Variants in LAPTM4B observed in about 807,000 individuals in gnomAD.
The protein encoded by LAPTM4B is lysosomal protein transmembrane 4 beta, also known as lysosomal-associated transmembrane protein 4B.
In LAPTM4B, 26 loss-of-function variants were observed where a neutral mutation model predicts 28.5. That is an observed-to-expected ratio of 0.91 (90% CI 0.67 to 1.27). The LOEUF (loss-of-function observed/expected upper bound fraction) is 1.27, where lower values mean the gene tolerates loss of function less well. LAPTM4B is among the 50% of genes most tolerant of loss of function. The pLI is 0.00. For synonymous variants in LAPTM4B, 109 were observed against 106.4 expected (o/e 1.02, Z -0.15); for missense variants, 288 against 285.8 (o/e 1.01, Z -0.06).
intron 6 of LAPTM4B, among the ~76,000 whole-genome samples, chr8:97,840,229 A>C (rs909336447): frequency 1.3e-5 from 2 of 152,302 alleles, no homozygotes; most frequent in Middle Eastern, 3.4e-3. Flanking sequence ...GTGTAGAACC[A>C]TTTTAACTTT....
intron 3 of LAPTM4B, among the ~76,000 whole-genome samples, chr8:97,815,813 C>T: frequency 6.6e-6 from 1 of 152,076 alleles, no homozygotes; most frequent in Non-Finnish European, 1.5e-5. Context: ...AGTGATCCAC[C>T]CACCTCAGCC....
chr8:97,822,942 A>C (rs1201679359), intron 5 of LAPTM4B, among the ~76,000 whole-genome samples: 6 of 151,456 alleles, frequency 4.0e-5, no homozygotes, highest in Non-Finnish European at 8.8e-5. Flanking sequence ...CCCGGGTTCA[A>C]GCAATTGTCC....
rs1259828816 is a variant in LAPTM4B, at chr8:97,852,914, G to T, written c.*1440G>T. 9.0e-6 allele frequency: 4 copies of T among 442,180 alleles called. No homozygotes were observed. In the East Asian group the frequency reaches 1.2e-4, roughly 13 times the overall value. 27.4% of individuals were successfully genotyped at this position (442,180 alleles called of 1,614,324 possible). A position where few individuals can be genotyped will look rare whatever the true frequency, so the allele number is the denominator to read the frequency against. On this transcript the variant is annotated 3_prime_UTR_variant, in exon 7 of 7. Coordinates refer to ENST00000521545, the MANE Select transcript of LAPTM4B (RefSeq NM_018407.6). ...AATTTCTAGAAATGAAGAACAATCC[G>T]TGGAGAATAAATTACCATTGGTGTG...
intron 6 of LAPTM4B, among the ~76,000 whole-genome samples, chr8:97,843,542 C>CTG (rs1289333990): frequency 1.3e-5 from 2 of 152,164 alleles, no homozygotes; most frequent in Non-Finnish European, 2.9e-5. Context: ...TTTGGGGAGG[C>CTG]TGAAGCGAGC....
intron 6 of LAPTM4B, among the ~76,000 whole-genome samples, chr8:97,847,812 A>T (rs1203914416): frequency 6.6e-6 from 1 of 152,244 alleles, no homozygotes; most frequent in African/African-American, 2.4e-5. Flanking sequence ...CATCTGGAGA[A>T]TATTTTGCAA....
At chr8:97,799,604 G>T (rs929912332) in intron 1 of LAPTM4B, among the ~76,000 whole-genome samples, 1 of 152,106 alleles carries the variant, frequency 6.6e-6, no homozygotes, top group African/African-American at 2.4e-5. Context: ...AACAATGGCC[G>T]CCTATAATTT....
chr8:97,842,182 C>T (rs541772547), intron 6 of LAPTM4B, among the ~76,000 whole-genome samples: 1 of 152,286 alleles, frequency 6.6e-6, no homozygotes, highest in East Asian at 1.9e-4. Flanking sequence ...TACTTACAAA[C>T]ACTGAATTTT....
chr8:97,834,243 G>T (rs1817227770), intron 6 of LAPTM4B, among the ~76,000 whole-genome samples: 1 of 151,934 alleles, frequency 6.6e-6, no homozygotes, highest in South Asian at 2.1e-4. Flanking sequence ...GCTGGAAGCT[G>T]CAGTGAGCTG....
intron 6 of LAPTM4B, among the ~76,000 whole-genome samples, chr8:97,833,890 A>C (rs1429911618): frequency 6.6e-6 from 1 of 152,082 alleles, no homozygotes; most frequent in Non-Finnish European, 1.5e-5. Context: ...GCTTTCCCTC[A>C]TGTACTATTT....
chr8:97,781,930 G>A (rs1056588623), intron 1 of LAPTM4B, among the ~76,000 whole-genome samples: 1 of 151,514 alleles, frequency 6.6e-6, no homozygotes, highest in Admixed American at 6.6e-5. Flanking sequence ...TCCAATTTGG[G>A]GCTATTATAA....
intron 1 of LAPTM4B, among the ~76,000 whole-genome samples, chr8:97,777,483 T>G (rs1473796614): frequency 6.6e-6 from 1 of 150,996 alleles, no homozygotes; most frequent in African/African-American, 2.4e-5. Flanking sequence ...TGAGTTGGGG[T>G]GTGTGTGTGT....
Position 97,776,095 on chromosome 8 carries a change from G to T in LAPTM4B, c.86G>T (p.Gly29Val). The stretch of plus-strand genomic sequence containing the variant: ...GTCCGCACCGGCACCATCCTGCTCG[G>T]CGTCTGGTATCTGGTGAGCGCGGCG... ...CHVRTGTILL[G>V]VWYLIINAVV... The change falls in exon 1 of 7, where the codon GGC (glycine) becomes GTC (valine). Residue 29 changes from glycine to valine, a missense_variant. By Grantham distance (109) the Gly-to-Val change is moderately radical (BLOSUM62 -3). Transcript: ENST00000521545. 1 of 1,581,782 alleles carries T rather than the reference G, an allele frequency of 6.3e-7. No homozygotes were observed. Among genetic ancestry groups the T allele is most frequent in the East Asian group, 2.4e-5 (1 of 40,882 alleles).
At chr8:97,776,306 G>C (rs1816213879) in intron 1 of LAPTM4B, among the ~76,000 whole-genome samples, 198 bp downstream of exon 1, 1 of 150,072 alleles carries the variant, frequency 6.7e-6, no homozygotes, top group African/African-American at 2.5e-5. Context: ...GGAGTTTGGG[G>C]CGATGGGGGA....
intron 6 of LAPTM4B, among the ~76,000 whole-genome samples, chr8:97,843,571 A>G (rs1035804502): frequency 2.6e-5 from 4 of 151,958 alleles, no homozygotes; most frequent in Non-Finnish European, 4.4e-5. Flanking sequence ...TGAGGTTAGG[A>G]GTTTGAGAGA....
chr8:97,824,054 T>C (rs943854232), intron 5 of LAPTM4B, among the ~76,000 whole-genome samples: 3 of 152,164 alleles, frequency 2.0e-5, no homozygotes, highest in African/African-American at 7.2e-5. Context: ...GGTGCCACAT[T>C]TTGTCTATCC....
At chr8:97,802,394 C>T (rs1200601769) in intron 1 of LAPTM4B, among the ~76,000 whole-genome samples, 1 of 152,128 alleles carries the variant, frequency 6.6e-6, no homozygotes, top group Non-Finnish European at 1.5e-5. Flanking sequence ...CCTGACGTTG[C>T]CATGGCATTT....
At chr8:97,825,601 A>G (rs1817079683) in intron 6 of LAPTM4B, among the ~76,000 whole-genome samples, 1 of 152,226 alleles carries the variant, frequency 6.6e-6, no homozygotes. Flanking sequence ...AATTTATCTT[A>G]TGTATGTATT....
chr8:97,850,356 C>T (rs780348146), intron 6 of LAPTM4B, among the ~76,000 whole-genome samples: 1 of 151,608 alleles, frequency 6.6e-6, no homozygotes, highest in Non-Finnish European at 1.5e-5. Flanking sequence ...TTCCTGCTGT[C>T]GGATAGGCAC....
chr8:97,821,000 T>G (rs1816993859), intron 5 of LAPTM4B, among the ~76,000 whole-genome samples: 1 of 150,570 alleles, frequency 6.6e-6, no homozygotes. Flanking sequence ...GTGCTGGAAT[T>G]ACAGGCATAA....
Sources: allele counts gnomAD v4.1 joint callset (sites outside exome capture counted in the v4.1 genomes callset), GRCh38; gene constraint gnomAD v4.1.1; transcripts MANE v1.5; gene names NCBI Gene and HGNC (gene_info 2026-07-23, HGNC 2026-07-21).